Variants in OR1J2 observed in about 807,000 individuals in gnomAD.
OR1J2 encodes the protein olfactory receptor family 1 subfamily J member 2.
For synonymous variants in OR1J2, 142 were observed against 99.7 expected (o/e 1.42, Z -2.52); for missense variants, 304 against 246.1 (o/e 1.24, Z -1.57).
At chr9:122,567,809 G>A in the OR1J2 span, 2 of 1,613,950 alleles carry the variant, frequency 1.2e-6, no homozygotes, top group East Asian at 2.2e-5. Context: ...GAACTGTAGT[G>A]AGGATTCGTA....
Position 122,511,161 on chromosome 9 carries a change from TGACC to T in OR1J2, c.363_366del (p.Arg122MetfsTer14). The T allele has an allele frequency of 1.4e-6, 1 of 729,720 alleles. No homozygotes were observed. Among genetic ancestry groups the T allele is most frequent in the Non-Finnish European group, 2.5e-6 (1 of 404,060 alleles). The allele number at this position is 729,720 out of a possible 1,614,324, so 45.2% of individuals were successfully genotyped here. On this transcript the variant is annotated frameshift_variant, in exon 1 of 1. Coordinates refer to ENST00000335302, the MANE Select transcript of OR1J2 (RefSeq NM_054107.1). LOFTEE classifies it low-confidence loss of function (END_TRUNC). ...GCTTCCTTATTACATCAATGGCATA[TGACC>T]GATATGTTGCCATATGTCACCCTCT...
At position 122,511,528 on chromosome 9, in the gene OR1J2, T is replaced by C. The variant is rs762190697; in HGVS notation, c.727T>C (p.Ser243Pro). Residue 243 changes from serine to proline, a missense_variant, in exon 1 of 1, where the codon TCC (serine) becomes CCC (proline). Coordinates refer to ENST00000335302, the MANE Select transcript of OR1J2 (RefSeq NM_054107.1). ...GIHKALSTCG[S>P]HLSVVSLYYG... The stretch of plus-strand genomic sequence containing the variant: ...CCACAAAGCATTGTCCACATGTGGC[T>C]CCCATCTCTCTGTGGTGTCTCTCTA... The C allele has an allele frequency of 1.3e-6, 1 of 781,026 alleles. No homozygotes were observed. The highest frequency in any genetic ancestry group is 2.4e-6 in the Non-Finnish European group (1 of 418,118). 48.4% of individuals were successfully genotyped at this position (781,026 alleles called of 1,614,324 possible). A position where few individuals can be genotyped will look rare whatever the true frequency, so the allele number is the denominator to read the frequency against.
the OR1J2 span, chr9:122,520,104 G>C: frequency 6.4e-7 from 1 of 1,560,796 alleles, no homozygotes; most frequent in Non-Finnish European, 8.8e-7. Context: ...CTTTATAACA[G>C]ACATATGTAC....
the OR1J2 span, chr9:122,448,865 T>G: frequency 6.6e-6 from 1 of 152,024 alleles, no homozygotes; most frequent in Non-Finnish European, 1.5e-5. Context: ...ATGGAGTTTC[T>G]TATGTCTTCC....
chr9:122,524,007 A>G, the OR1J2 span, among the ~76,000 whole-genome samples: 2 of 152,338 alleles, frequency 1.3e-5, no homozygotes, highest in East Asian at 3.9e-4. Flanking sequence ...TTTGACATAG[A>G]TGACCTTAAA....
the OR1J2 span, among the ~76,000 whole-genome samples, chr9:122,564,104 G>A: frequency 6.6e-6 from 1 of 152,154 alleles, no homozygotes. Context: ...ATCTTTTGGG[G>A]ACTACTGGAC....
chr9:122,469,318 G>A, the OR1J2 span, among the ~76,000 whole-genome samples: 15 of 152,256 alleles, frequency 9.9e-5, no homozygotes, highest in South Asian at 2.1e-4. Context: ...CCCCCATACC[G>A]TTCTCATGGT....
At chr9:122,529,998 G>A in the OR1J2 span, among the ~76,000 whole-genome samples, 1 of 152,208 alleles carries the variant, frequency 6.6e-6, no homozygotes, top group Non-Finnish European at 1.5e-5. Flanking sequence ...ACTGAAATGA[G>A]GGTACAGGAT....
chr9:122,540,147 T>C, the OR1J2 span, among the ~76,000 whole-genome samples: 1 of 151,832 alleles, frequency 6.6e-6, no homozygotes, highest in Non-Finnish European at 1.5e-5. Context: ...ATTTTGGCTT[T>C]TGTTGCCATT....
the OR1J2 span, among the ~76,000 whole-genome samples, chr9:122,542,182 G>C: frequency 6.6e-6 from 1 of 152,126 alleles, no homozygotes; most frequent in Non-Finnish European, 1.5e-5. Context: ...TTTTATTGCT[G>C]TGTAACATTT....
rs1414093187 is a variant in OR1J2 at position 122,511,665 on chromosome 9, T to C, written c.864T>C (p.Phe288=). The C allele has an allele frequency of 1.3e-6, 1 of 781,094 alleles. No individual in the cohort carries two copies. The highest frequency in any genetic ancestry group is 1.3e-5 in the South Asian group (1 of 74,618). 48.4% of individuals were successfully genotyped at this position (781,094 alleles called of 1,614,324 possible). Residue 288 remains phenylalanine, a synonymous_variant, in exon 1 of 1, where the codon TTT becomes TTC. Transcript: ENST00000335302. ...TGGTCACACCCATGTTGAACCCCTT[T>C]ATCTACAGCCTTAGGAACAGGGACA... ...YTVVTPMLNP[F]IYSLRNRDMK...
the OR1J2 span, chr9:122,519,040 G>A: frequency 1.3e-6 from 1 of 786,122 alleles, no homozygotes; most frequent in South Asian, 1.7e-5. Context: ...ATATTCATCA[G>A]TAGCAAGGAT....
At chr9:122,577,467 T>A in the OR1J2 span, among the ~76,000 whole-genome samples, 11 of 151,936 alleles carry the variant, frequency 7.2e-5, no homozygotes, top group Admixed American at 2.0e-4. Flanking sequence ...GGCAAACACC[T>A]CAATAATAAA....
At chr9:122,478,630 T>C in the OR1J2 span, among the ~76,000 whole-genome samples, 1 of 152,174 alleles carries the variant, frequency 6.6e-6, no homozygotes, top group African/African-American at 2.4e-5. Context: ...TACCCACATA[T>C]TTTATCATGA....
At chr9:122,489,252 C>G in the OR1J2 span, among the ~76,000 whole-genome samples, 6 of 151,998 alleles carry the variant, frequency 3.9e-5, no homozygotes, top group South Asian at 1.3e-3. Context: ...AGAAAAGACA[C>G]ACACACCATT....
chr9:122,518,968 G>C, the OR1J2 span, among the ~76,000 whole-genome samples: 1 of 152,214 alleles, frequency 6.6e-6, no homozygotes, highest in Non-Finnish European at 1.5e-5. Flanking sequence ...CATTTTGAGT[G>C]ATAAAACCAT....
the OR1J2 span, among the ~76,000 whole-genome samples, chr9:122,554,449 G>A: frequency 4.8e-4 from 73 of 152,136 alleles, no homozygotes; most frequent in African/African-American, 1.7e-3. Context: ...AGTGAACAAG[G>A]CATTTGTTAT....
the OR1J2 span, among the ~76,000 whole-genome samples, chr9:122,532,599 A>G: frequency 5.5e-5 from 8 of 145,024 alleles, 1 homozygote; most frequent in East Asian, 4.3e-4. Flanking sequence ...GCTGCGGAGC[A>G]GACTGTATAT....
the OR1J2 span, among the ~76,000 whole-genome samples, chr9:122,564,156 T>C: frequency 9.2e-5 from 14 of 152,120 alleles, no homozygotes; most frequent in Non-Finnish European, 1.8e-4. Flanking sequence ...ACACGAAACA[T>C]CACTGTTGCC....
Sources: allele counts gnomAD v4.1 joint callset (sites outside exome capture counted in the v4.1 genomes callset), GRCh38; gene constraint gnomAD v4.1.1; transcripts MANE v1.5; gene names NCBI Gene and HGNC (gene_info 2026-07-23, HGNC 2026-07-21).